The following ETS1 variants were observed in gnomAD, a reference collection of about 807,000 sequenced individuals.
ETS1 encodes protein C-ets-1.
Under a neutral mutation model 58.6 loss-of-function variants are expected in ETS1, and 15 were observed. The observed-to-expected ratio is 0.26, with a 90% CI of 0.17 to 0.39. The LOEUF is 0.39. ETS1 is among the 10% of genes least tolerant of loss of function. The probability of loss-of-function intolerance (pLI) is 1.00; values close to 1 mark genes in which losing one functional copy is unlikely to be tolerated. For missense variants in ETS1, 417 were observed against 610.5 expected (o/e 0.68, Z 3.34); for synonymous variants, 214 against 218.2 (o/e 0.98, Z 0.17).
intron 8 of ETS1, among the ~76,000 whole-genome samples, chr11:128,479,111 T>C (rs1323028458): frequency 6.6e-6 from 1 of 152,234 alleles, no homozygotes. Context: ...ATTTGAGTTG[T>C]TCTCAAAGGT....
intron 3 of ETS1, among the ~76,000 whole-genome samples, chr11:128,509,016 C>T (rs7126584): frequency 0.013 from 2,024 of 152,258 alleles, 55 homozygotes; most frequent in African/African-American, 0.046. Flanking sequence ...GAGAAACCAG[C>T]GGCAAGTCAC....
intron 1 of ETS1, among the ~76,000 whole-genome samples, chr11:128,576,697 C>T (rs1864756828): frequency 6.6e-6 from 1 of 152,036 alleles, no homozygotes; most frequent in Non-Finnish European, 1.5e-5. Context: ...TGCTCCCTCC[C>T]ACCTCTCCAG....
At chr11:128,583,683 A>C (rs1864919966) in intron 1 of ETS1, among the ~76,000 whole-genome samples, 1 of 152,192 alleles carries the variant, frequency 6.6e-6, no homozygotes, top group Admixed American at 6.5e-5. Context: ...TAAAAAGACC[A>C]AAATTCTGGA....
At chr11:128,556,996 C>T (rs1276740778) in intron 2 of ETS1, among the ~76,000 whole-genome samples, 2 of 152,208 alleles carry the variant, frequency 1.3e-5, no homozygotes, top group Non-Finnish European at 2.9e-5. Context: ...GTGCCACACT[C>T]TTAGTAATTT....
chr11:128,469,971 T>C (rs958295984), intron 8 of ETS1, among the ~76,000 whole-genome samples: 2 of 152,364 alleles, frequency 1.3e-5, no homozygotes, highest in African/African-American at 4.8e-5. Flanking sequence ...TATCAGTGGC[T>C]AATAACTCAA....
chr11:128,518,726 T>C (rs1470673170), intron 3 of ETS1, among the ~76,000 whole-genome samples: 2 of 152,226 alleles, frequency 1.3e-5, no homozygotes, highest in Non-Finnish European at 2.9e-5. Flanking sequence ...TCTGCCCTTC[T>C]TTCTTGTCTA....
At chr11:128,581,017 C>T (rs1864860228) in intron 1 of ETS1, among the ~76,000 whole-genome samples, 1 of 152,158 alleles carries the variant, frequency 6.6e-6, no homozygotes, top group Non-Finnish European at 1.5e-5. Flanking sequence ...TGAGGAGTAA[C>T]TCGCTACTAT....
At chr11:128,493,698 T>C (rs1862863846) in intron 3 of ETS1, among the ~76,000 whole-genome samples, 1 of 152,226 alleles carries the variant, frequency 6.6e-6, no homozygotes, top group African/African-American at 2.4e-5. Context: ...TGTGGAATTG[T>C]AGTTTAAAAA....
intron 2 of ETS1, chr11:128,572,010 C>T (rs1216323509): frequency 2.0e-5 from 3 of 152,026 alleles, no homozygotes; most frequent in African/African-American, 7.3e-5. Context: ...AACCACTGCA[C>T]TCCAGCCTGG....
At chr11:128,530,634 T>C (rs1393509755) in intron 3 of ETS1, among the ~76,000 whole-genome samples, 1 of 151,920 alleles carries the variant, frequency 6.6e-6, no homozygotes, top group Non-Finnish European at 1.5e-5. Flanking sequence ...GGGTGGGAAG[T>C]ACCACAAGGG....
intron 3 of ETS1, among the ~76,000 whole-genome samples, chr11:128,554,180 G>A (rs1436939595): frequency 6.6e-6 from 1 of 152,106 alleles, no homozygotes; most frequent in East Asian, 1.9e-4. Context: ...AAAGGCTCAG[G>A]GTTCTTGCCA....
chr11:128,586,277 C>T (rs1231346804), intron 1 of ETS1, among the ~76,000 whole-genome samples: 3 of 152,198 alleles, frequency 2.0e-5, no homozygotes, highest in Non-Finnish European at 2.9e-5. Context: ...CATGAAAAGA[C>T]CTTTTCATCT....
intron 8 of ETS1, among the ~76,000 whole-genome samples, chr11:128,468,243 A>G (rs1450556208): frequency 6.6e-6 from 1 of 152,150 alleles, no homozygotes; most frequent in Non-Finnish European, 1.5e-5. Flanking sequence ...ATTACTGCTC[A>G]TTTGGGTCAT....
At chr11:128,477,847 T>C (rs1447234207) in intron 8 of ETS1, among the ~76,000 whole-genome samples, 1 of 152,236 alleles carries the variant, frequency 6.6e-6, no homozygotes, top group Non-Finnish European at 1.5e-5. Context: ...TTTTTCTCTA[T>C]GTCTAGCACA....
chr11:128,466,453 G>A (rs1862037959), intron 8 of ETS1, among the ~76,000 whole-genome samples: 1 of 152,228 alleles, frequency 6.6e-6, no homozygotes, highest in Non-Finnish European at 1.5e-5. Flanking sequence ...CAGCCACAAT[G>A]CAGAGAAGGG....
At chr11:128,566,561 A>T (rs1864500120) in intron 2 of ETS1, among the ~76,000 whole-genome samples, 1 of 152,186 alleles carries the variant, frequency 6.6e-6, no homozygotes, top group African/African-American at 2.4e-5. Context: ...AGGTGGGCAG[A>T]TCACGAGGTC....
At chr11:128,562,719 C>A (rs1378882748) in intron 2 of ETS1, among the ~76,000 whole-genome samples, 3 of 152,218 alleles carry the variant, frequency 2.0e-5, no homozygotes, top group African/African-American at 4.8e-5. Flanking sequence ...AAGCCACCAC[C>A]TGGGCCGACC....
chr11:128,491,549 G>GGA lies in ETS1; in HGVS notation c.215-974_215-973insTC, dbSNP rs1219388751. 5.9e-5 allele frequency among the ~76,000 whole-genome samples: 9 copies of GGA among 152,330 alleles called. No homozygotes were observed. The East Asian group carries it at 1.7e-3, about 29-fold the overall frequency. ...GAAGAAAAGAATACTCCAGATCAGT[G>GGA]GTTCTCAAAGTGTAGTCCTCAGAGC... On this transcript the variant is annotated intron_variant, in intron 3 of 9. Transcript: ENST00000392668.
chr11:128,512,115 G>A (rs1428181135), intron 3 of ETS1, among the ~76,000 whole-genome samples: 1 of 152,158 alleles, frequency 6.6e-6, no homozygotes, highest in South Asian at 2.1e-4. Context: ...TTTCAAGTTA[G>A]CTACAGCTGG....
Sources: allele counts gnomAD v4.1 joint callset (sites outside exome capture counted in the v4.1 genomes callset), GRCh38; gene constraint gnomAD v4.1.1; transcripts MANE v1.5; gene names NCBI Gene and HGNC (gene_info 2026-07-23, HGNC 2026-07-21).